SREBF1: variants seen among roughly 807,000 people sequenced by gnomAD.
SREBF1 encodes the protein sterol regulatory element-binding protein 1.
A neutral mutation model predicts 100.1 loss-of-function variants in SREBF1; 45 were observed. The ratio of observed to expected loss-of-function variants is 0.45; its 90% confidence interval spans 0.35 to 0.58. The LOEUF is 0.58. Ranked by LOEUF, SREBF1 falls within the 20% of genes least tolerant of loss-of-function variation. The pLI, the probability that SREBF1 is intolerant of heterozygous loss-of-function variation, is 0.00. For synonymous variants in SREBF1, 657 were observed against 681.8 expected (o/e 0.96, Z 0.57); for missense variants, 1,324 against 1,539.4 (o/e 0.86, Z 2.34).
At position 17,817,526 on chromosome 17, in the gene SREBF1, G is replaced by A; in HGVS notation, c.1405-69C>T. ...CCCAGAGAGCATGGGGCTGGGAAGG[G>A]GGGGGTCAGGATTCTGCCCACCTTA... On this transcript the variant is annotated intron_variant, in intron 7 of 18. Transcript: ENST00000261646. This position sits in a 1 kb window ranked among gnomAD's most constrained non-coding sequence, Gnocchi z 6.6. 2 of 1,540,756 alleles carry A rather than the reference G, an allele frequency of 1.3e-6. No homozygotes were observed. Among genetic ancestry groups the A allele is most frequent in the Admixed American group, 1.9e-5 (1 of 51,316 alleles).
intron 1 of SREBF1, among the ~76,000 whole-genome samples, chr17:17,823,281 G>A (rs563289678): frequency 4.6e-5 from 7 of 152,298 alleles, no homozygotes; most frequent in African/African-American, 1.4e-4. Flanking sequence ...CTCTTAGGTC[G>A]GGATGCTGCT....
chr17:17,818,718 T>G, intron 5 of SREBF1: 1 of 562,638 alleles, frequency 1.8e-6, no homozygotes, highest in African/African-American at 1.9e-5. Context: ...CGAGCACTTA[T>G]TCATCCTGCC....
At chr17:17,813,284 A>G in intron 18 of SREBF1, 84 bp downstream of exon 18, 1 of 1,374,284 alleles carries the variant, frequency 7.3e-7, no homozygotes, top group Non-Finnish European at 1.0e-6. Context: ...TGACACACAC[A>G]CAGCCTCCCT....
chr17:17,823,450 AC>A, intron 1 of SREBF1: 1 of 1,150,544 alleles, frequency 8.7e-7, no homozygotes, highest in Non-Finnish European at 1.3e-6. Flanking sequence ...ATGCCCGCCC[AC>A]CCCAGGAGAA....
chr17:17,832,898 G>C (rs2034954861), intron 1 of SREBF1, among the ~76,000 whole-genome samples: 1 of 151,512 alleles, frequency 6.6e-6, no homozygotes, highest in South Asian at 2.1e-4. Flanking sequence ...TCCAGCCTGG[G>C]TGACAGAGCA....
At chr17:17,815,415 G>T in intron 12 of SREBF1, 86 bp from the exon 13 acceptor site, 2 of 1,127,410 alleles carry the variant, frequency 1.8e-6, no homozygotes, top group Non-Finnish European at 2.7e-6. Context: ...GTGGGCTGGG[G>T]CCACACCTAG....
chr17:17,821,317 G>A (rs1055206630), intron 1 of SREBF1, among the ~76,000 whole-genome samples: 43 of 152,126 alleles, frequency 2.8e-4, no homozygotes, highest in African/African-American at 9.2e-4. Flanking sequence ...AGGCCCAGGT[G>A]CAGCCTTCCC....
At chr17:17,820,619 G>T (rs2034031216) in intron 1 of SREBF1, 98 bp from the exon 2 acceptor site, 1 of 1,321,578 alleles carries the variant, frequency 7.6e-7, no homozygotes, top group South Asian at 1.2e-5. Flanking sequence ...CACAACCCTT[G>T]TTGGCACACA....
rs1212799887 is a variant in SREBF1 at position 17,818,996 on chromosome 17, T to C, written c.1068+17A>G. On this transcript the variant is annotated intron_variant, in intron 5 of 18. Transcript: ENST00000261646. ...CTAGGGACACCCCGGTCTGTGCCCC[T>C]GCAGGCCTCTCCACACCTTTGCCTC... The C allele has an allele frequency of 3.0e-5, 49 of 1,611,150 alleles. No homozygotes were observed. The highest frequency in any genetic ancestry group is 4.1e-5 in the Non-Finnish European group (48 of 1,179,942).
rs1264434571 is a variant in SREBF1, at chr17:17,812,092, T to C, written c.*530A>G. 2 of 432,310 alleles carry C rather than the reference T, an allele frequency of 4.6e-6. No homozygotes were observed. The highest frequency in any genetic ancestry group is 3.4e-5 in the South Asian group (2 of 59,624). The allele number at this position is 432,310 out of a possible 1,614,324, so 26.8% of individuals were successfully genotyped here. The stretch of plus-strand genomic sequence containing the variant: ...AAAACCCAGATTATAAATAATTTCA[T>C]TTTTAATTCTCTGTACAAAACTTCT... On this transcript the variant is annotated 3_prime_UTR_variant, in exon 19 of 19. Coordinates refer to ENST00000261646, the MANE Select transcript of SREBF1 (RefSeq NM_004176.5).
In SREBF1 at chr17:17,812,341, A is replaced by G. The variant is rs1339776355; in HGVS notation, c.*281T>C. 1.8e-6 allele frequency: 1 copy of G among 556,648 alleles called. No individual in the cohort carries two copies. Among genetic ancestry groups the G allele is most frequent in the African/African-American group, 1.9e-5 (1 of 52,198 alleles). The allele number at this position is 556,648 out of a possible 1,614,324, so 34.5% of individuals were successfully genotyped here. On this transcript the variant is annotated 3_prime_UTR_variant, in exon 19 of 19. Coordinates refer to ENST00000261646, the MANE Select transcript of SREBF1 (RefSeq NM_004176.5). ...TGTACACAGGAGGAAAAAAGCCACT[A>G]AGGTGCCTGCAGAGCAAGGAGGGGG...
intron 1 of SREBF1, among the ~76,000 whole-genome samples, chr17:17,833,634 A>G: frequency 6.6e-6 from 1 of 151,876 alleles, no homozygotes; most frequent in East Asian, 1.9e-4. Flanking sequence ...ATGATATACT[A>G]AAAATGGGTA....
At chr17:17,827,282 C>T (rs954080500) in intron 1 of SREBF1, among the ~76,000 whole-genome samples, 7 of 152,156 alleles carry the variant, frequency 4.6e-5, no homozygotes, top group Non-Finnish European at 8.8e-5. Context: ...AGGGATTTGC[C>T]AATTGATCCC....
Position 17,816,594 on chromosome 17 carries a change from T to C in SREBF1, c.1910A>G (p.Gln637Arg). ...CAGCCAGCGGCCCACCCAGAGACGC[T>C]GCAGCAGGTGACGGATGAGGTTCCA... ...LLWNLIRHLLQRLWVGRWLAG... is the reference protein window; with the variant it reads ...LLWNLIRHLLRRLWVGRWLAG... The change falls in exon 10 of 19, where the codon CAG becomes CGG. Residue 637 changes from glutamine to arginine, a missense_variant. Transcript: ENST00000261646. The C allele has an allele frequency of 6.2e-7, 1 of 1,605,954 alleles. No individual in the cohort carries two copies. The highest frequency in any genetic ancestry group is 8.5e-7 in the Non-Finnish European group (1 of 1,177,226).
At chr17:17,818,014 T>A in intron 6 of SREBF1, 98 bp from the exon 7 acceptor site, 1 of 1,299,330 alleles carries the variant, frequency 7.7e-7, no homozygotes, top group Admixed American at 1.7e-5. Context: ...CTGTAGCTCC[T>A]AAAGCTAGCC....
chr17:17,832,930 CAAACAAAAAAAAAA>C (rs2034957876), intron 1 of SREBF1, among the ~76,000 whole-genome samples: 2 of 145,050 alleles, frequency 1.4e-5, no homozygotes, highest in Admixed American at 1.4e-4. Flanking sequence ...CAAAAACAAA[CAAACAAAAAAAAAA>C]AAACAAAGAA....
At position 17,817,780 on chromosome 17, in the gene SREBF1, G is replaced by A; in HGVS notation, c.1320C>T (p.Pro440=). 6.2e-7 allele frequency: 1 copy of A among 1,613,910 alleles called. No individual in the cohort carries two copies. The highest frequency in any genetic ancestry group is 8.5e-7 in the Non-Finnish European group (1 of 1,180,024). The change falls in exon 7 of 19, where the codon CCC becomes CCT. Residue 440 remains proline (P), a synonymous_variant. Transcript: ENST00000261646. The surrounding 1 kb of genome is among the most constrained non-coding windows in gnomAD (Gnocchi z 6.6). ...SDAGSPFQSS[P]LSLGSRGSGS... ...CACTGCCCCTGCTGCCAAGGGACAA[G>A]GGGCTGCTCTGGAAAGGTGAGCCAG... is the stretch of plus-strand genomic sequence containing the variant.
Position 17,813,397 on chromosome 17 carries a change from C to T in SREBF1, c.3185G>A (p.Arg1062Lys), listed in dbSNP as rs755701419. 6.2e-7 allele frequency: 1 copy of T among 1,602,466 alleles called. No individual in the cohort carries two copies. Among genetic ancestry groups the T allele is most frequent in the South Asian group, 1.1e-5 (1 of 89,368 alleles). Reference protein sequence around the residue: ...RTHQLLDRSLRRRAGPGGKGG... With the variant: ...RTHQLLDRSLKRRAGPGGKGG... ...TTTGCCACCGGGGCCTGCCCGCCGC[C>T]TCAGACTGCGGTCGAGGAGCTGGTG... The change falls in exon 18 of 19, where the codon AGG becomes AAG. Residue 1062 changes from arginine (R) to lysine (K), a missense_variant. By Grantham distance (26) the Arg-to-Lys change is conservative (BLOSUM62 2). Coordinates refer to ENST00000261646, the MANE Select transcript of SREBF1 (RefSeq NM_004176.5).
chr17:17,812,500 T>A lies in SREBF1; in HGVS notation c.*122A>T. 1 of 1,027,940 alleles carries A rather than the reference T, an allele frequency of 9.7e-7. No individual in the cohort carries two copies. Among genetic ancestry groups the A allele is most frequent in the South Asian group, 1.5e-5 (1 of 65,326 alleles). The allele number at this position is 1,027,940 out of a possible 1,614,324, so 63.7% of individuals were successfully genotyped here. On this transcript the variant is annotated 3_prime_UTR_variant, in exon 19 of 19. Coordinates refer to ENST00000261646, the MANE Select transcript of SREBF1 (RefSeq NM_004176.5). ...CGCGAAGGCACACAGCAGCCGCAGG[T>A]CGAACTGTGGAGGCCAGAGTCTCTT...
Sources: allele counts gnomAD v4.1 joint callset (sites outside exome capture counted in the v4.1 genomes callset), GRCh38; gene constraint gnomAD v4.1.1; non-coding constraint Gnocchi (gnomAD v3.1); transcripts MANE v1.5; gene names NCBI Gene and HGNC (gene_info 2026-07-23, HGNC 2026-07-21).